FGF9: variants seen among roughly 807,000 people sequenced by gnomAD.
FGF9 encodes fibroblast growth factor 9 (glia-activating factor).
FGF9 carries 3 observed loss-of-function variants against 19.9 expected under a neutral mutation model. The ratio of observed to expected loss-of-function variants is 0.15; its 90% CI spans 0.07 to 0.39. FGF9 has a LOEUF of 0.39. Ranked by LOEUF, FGF9 falls within the 10% of genes least tolerant of loss-of-function variation. The pLI is 1.00. For missense variants in FGF9, 175 were observed against 256.8 expected (o/e 0.68, Z 2.18); for synonymous variants, 107 against 106.9 (o/e 1.00, Z -0.01).
At position 21,703,370 on chromosome 13, in the gene FGF9, A is replaced by G. The variant is rs752636312; in HGVS notation, c.*1935A>G. ...GTGGTCCAAGTTGGAGTACATGGCAATGCCCTCCTGCTGATGTGCATTAAG... is the reference window on the plus strand; with the variant it reads ...GTGGTCCAAGTTGGAGTACATGGCAGTGCCCTCCTGCTGATGTGCATTAAG... On this transcript the variant is annotated 3_prime_UTR_variant, in exon 3 of 3. Coordinates refer to ENST00000382353, the MANE Select transcript of FGF9 (RefSeq NM_002010.3). The G allele has an allele frequency of 4.6e-5, 7 of 152,222 alleles. No individual in the cohort carries two copies. Among genetic ancestry groups the G allele is most frequent in the African/African-American group, 9.6e-5 (4 of 41,458 alleles). The allele number at this position is 152,222 out of a possible 1,614,324, so 9.4% of individuals were successfully genotyped here.
rs890541965 is a variant in FGF9, at chr13:21,704,245, G to C, written c.*2810G>C. 1.3e-5 allele frequency: 2 copies of C among 152,226 alleles called. No individual in the cohort carries two copies. Among genetic ancestry groups the C allele is most frequent in the African/African-American group, 2.4e-5 (1 of 41,460 alleles). 9.4% of individuals were successfully genotyped at this position (152,226 alleles called of 1,614,324 possible). A position where few individuals can be genotyped will look rare whatever the true frequency, so the allele number is the denominator to read the frequency against. On this transcript the variant is annotated 3_prime_UTR_variant, in exon 3 of 3. Coordinates refer to ENST00000382353, the MANE Select transcript of FGF9 (RefSeq NM_002010.3). ...GTGGTCAAAGACTTACCGAGCATGGGCTGAACAACCTTCCCATCTGTCATG... is the reference window on the plus strand; with the variant it reads ...GTGGTCAAAGACTTACCGAGCATGGCCTGAACAACCTTCCCATCTGTCATG...
chr13:21,687,398 A>G (rs1018663383), intron 2 of FGF9, among the ~76,000 whole-genome samples: 1 of 152,264 alleles, frequency 6.6e-6, no homozygotes, highest in East Asian at 1.9e-4. Context: ...ACATTAAACT[A>G]GATAACTAGA....
Position 21,701,765 on chromosome 13 carries a change from G to A in FGF9, c.*330G>A, listed in dbSNP as rs1004660798. On this transcript the variant is annotated 3_prime_UTR_variant, in exon 3 of 3. Coordinates refer to ENST00000382353, the MANE Select transcript of FGF9 (RefSeq NM_002010.3). The stretch of plus-strand genomic sequence containing the variant: ...TATGTGTGTAGCGGGAGATGTGGGC[G>A]GAGCGAGAGCAAAAGGACTGCGGCC... The A allele has an allele frequency of 5.4e-5, 17 of 315,432 alleles. 1 individual carries two copies. The highest frequency in any genetic ancestry group is 1.0e-3 in the Middle Eastern group (1 of 988). The allele number at this position is 315,432 out of a possible 1,614,324, so 19.5% of individuals were successfully genotyped here. A position where few individuals can be genotyped will look rare whatever the true frequency, so the allele number is the denominator to read the frequency against.
rs986769910 is a variant in FGF9, at chr13:21,703,718, C to A, written c.*2283C>A. On this transcript the variant is annotated 3_prime_UTR_variant, in exon 3 of 3. Coordinates refer to ENST00000382353, the MANE Select transcript of FGF9 (RefSeq NM_002010.3). ...AGGATGTCATAGGTATACTATGTAG[C>A]ACTGAAAAAATTGATTTTAGGTGAC... 1 of 151,782 alleles carries A rather than the reference C, an allele frequency of 6.6e-6. No individual in the cohort carries two copies. Among genetic ancestry groups the A allele is most frequent in the Non-Finnish European group, 1.5e-5 (1 of 67,968 alleles). 9.4% of individuals were successfully genotyped at this position (151,782 alleles called of 1,614,324 possible).
intron 2 of FGF9, among the ~76,000 whole-genome samples, chr13:21,690,297 C>T (rs1346723337): frequency 6.6e-6 from 1 of 152,170 alleles, no homozygotes; most frequent in African/African-American, 2.4e-5. Context: ...CATGCTTACA[C>T]ACTCATTTGC....
At chr13:21,694,889 C>T (rs916209924) in intron 2 of FGF9, among the ~76,000 whole-genome samples, 1 of 152,194 alleles carries the variant, frequency 6.6e-6, no homozygotes, top group Non-Finnish European at 1.5e-5. Context: ...CCCCTCTGAA[C>T]ATGTGTTAAA....
At chr13:21,694,801 T>TC in intron 2 of FGF9, among the ~76,000 whole-genome samples, 1 of 152,352 alleles carries the variant, frequency 6.6e-6, no homozygotes, top group East Asian at 1.9e-4. Context: ...CAAAAATACT[T>TC]CTCAAAGTAA....
In FGF9 at chr13:21,671,533, G is replaced by A. The variant is rs889290985; in HGVS notation, c.-380G>A. The A allele has an allele frequency of 3.9e-6, 2 of 514,960 alleles. No individual in the cohort carries two copies. The highest frequency in any genetic ancestry group is 3.9e-5 in the African/African-American group (2 of 51,788). 31.9% of individuals were successfully genotyped at this position (514,960 alleles called of 1,614,324 possible). On this transcript the variant is annotated 5_prime_UTR_variant, in exon 1 of 3. An upstream start codon of the reference 5' UTR is lost. Coordinates refer to ENST00000382353, the MANE Select transcript of FGF9 (RefSeq NM_002010.3). ...AACGCCTAGGCATTTAAGTTGCTATGGTCATTCTGATCTCAAACCAAATGG... is the reference window on the plus strand; with the variant it reads ...AACGCCTAGGCATTTAAGTTGCTATAGTCATTCTGATCTCAAACCAAATGG...
At chr13:21,698,647 T>A (rs919511909) in intron 2 of FGF9, among the ~76,000 whole-genome samples, 14 of 152,112 alleles carry the variant, frequency 9.2e-5, no homozygotes, top group African/African-American at 2.7e-4. Flanking sequence ...CTGTTTCTGA[T>A]CCAAGAAAAA....
intron 2 of FGF9, among the ~76,000 whole-genome samples, chr13:21,693,727 G>A (rs552728701): frequency 7.9e-5 from 12 of 152,262 alleles, no homozygotes; most frequent in African/African-American, 2.6e-4. Context: ...AGGAAGTAGC[G>A]ATGCCTTCGA....
chr13:21,678,751 A>G (rs1871971985), intron 1 of FGF9, among the ~76,000 whole-genome samples: 1 of 152,200 alleles, frequency 6.6e-6, no homozygotes, highest in African/African-American at 2.4e-5. Flanking sequence ...TTTATGATTA[A>G]ACCTTTCCTT....
At chr13:21,673,722 C>T (rs1268891762) in intron 1 of FGF9, among the ~76,000 whole-genome samples, 3 of 151,548 alleles carry the variant, frequency 2.0e-5, no homozygotes, top group African/African-American at 7.3e-5. Context: ...CGAGCGTGTC[C>T]GGGGCCGCGG....
At chr13:21,679,566 T>C (rs989493051) in intron 1 of FGF9, among the ~76,000 whole-genome samples, 1 of 152,056 alleles carries the variant, frequency 6.6e-6, no homozygotes, top group Non-Finnish European at 1.5e-5. Context: ...ATATTTGATA[T>C]GCATTAATGT....
chr13:21,672,074 G>T lies in FGF9; in HGVS notation c.162G>T (p.Leu54Phe), dbSNP rs760974340. 1 of 1,614,210 alleles carries T rather than the reference G, an allele frequency of 6.2e-7. No individual in the cohort carries two copies. The highest frequency in any genetic ancestry group is 2.2e-5 in the East Asian group (1 of 44,888). The change falls in exon 1 of 3, where the codon TTG (leucine) becomes TTT (phenylalanine). Residue 54 changes from leucine (L) to phenylalanine (F), a missense_variant. By Grantham distance (22) the Leu-to-Phe change is conservative. Transcript: ENST00000382353. This position sits in a 1 kb window ranked among gnomAD's most constrained non-coding sequence, Gnocchi z 4.2. ...CCAGGGGACCCGCAGTCACGGACTT[G>T]GATCATTTAAAGGGGATTCTCAGGC... ...GLPRGPAVTDLDHLKGILRRR... is the reference protein window; with the variant it reads ...GLPRGPAVTDFDHLKGILRRR...
rs540929812 is a variant in FGF9 at position 21,692,632 on chromosome 13, G to A, written c.382-8558G>A. ...GATTAGAGAAGATGACGCCTACAAA[G>A]TGGCCCATGTAGTGCTTGACTTTTG... is the stretch of plus-strand genomic sequence containing the variant. On this transcript the variant is annotated intron_variant, in intron 2 of 2. Coordinates refer to ENST00000382353, the MANE Select transcript of FGF9 (RefSeq NM_002010.3). 2.6e-5 allele frequency among the ~76,000 whole-genome samples: 4 copies of A among 152,294 alleles called. No individual in the cohort carries two copies. In the South Asian group the frequency reaches 8.3e-4, roughly 32 times the overall value.
intron 2 of FGF9, among the ~76,000 whole-genome samples, chr13:21,697,185 T>A (rs17840907): frequency 6.6e-6 from 1 of 152,206 alleles, no homozygotes; most frequent in African/African-American, 2.4e-5. Flanking sequence ...AGAGACAGGG[T>A]CTCACTCTGT....
chr13:21,673,487 C>T (rs1211230574), intron 1 of FGF9, among the ~76,000 whole-genome samples: 1 of 152,184 alleles, frequency 6.6e-6, no homozygotes, highest in Non-Finnish European at 1.5e-5. Context: ...CGGCCGTCTC[C>T]ACTCGCTGCT....
chr13:21,682,764 A>G (rs910147034), intron 2 of FGF9, among the ~76,000 whole-genome samples: 3 of 151,800 alleles, frequency 2.0e-5, no homozygotes, highest in Non-Finnish European at 4.4e-5. Flanking sequence ...ACTCAATAAA[A>G]TGCTTTTTTT....
At chr13:21,690,140 C>A (rs527598436) in intron 2 of FGF9, among the ~76,000 whole-genome samples, 1 of 152,266 alleles carries the variant, frequency 6.6e-6, no homozygotes, top group Non-Finnish European at 1.5e-5. Flanking sequence ...CAGAATAGGG[C>A]TCAAATTGGA....
Sources: allele counts gnomAD v4.1 joint callset (sites outside exome capture counted in the v4.1 genomes callset), GRCh38; gene constraint gnomAD v4.1.1; non-coding constraint Gnocchi (gnomAD v3.1); transcripts MANE v1.5; gene names NCBI Gene and HGNC (gene_info 2026-07-23, HGNC 2026-07-21).